Variants in ABHD13 observed in about 807,000 individuals in gnomAD.
ABHD13 encodes abhydrolase domain containing 13, also known as protein ABHD13.
In ABHD13, 7 loss-of-function variants were observed where a neutral mutation model predicts 25.2. The ratio of observed to expected loss-of-function variants is 0.28; its 90% CI spans 0.16 to 0.52. The LOEUF (loss-of-function observed/expected upper bound fraction) is 0.52, where lower values mean the gene tolerates loss of function less well. ABHD13 is among the 20% of genes least tolerant of loss of function. The pLI, the probability that ABHD13 is intolerant of heterozygous loss-of-function variation, is 0.96. For synonymous variants in ABHD13, 133 were observed against 136.1 expected, an observed-to-expected ratio of 0.98 and a Z score of 0.16; for missense variants, 302 against 402.7, an observed-to-expected ratio of 0.75 and a Z score of 2.14.
chr13:108,225,878 C>G (rs903577576), intron 1 of ABHD13, among the ~76,000 whole-genome samples: 3 of 152,140 alleles, frequency 2.0e-5, no homozygotes, highest in African/African-American at 7.2e-5. Context: ...CTCAGCAGCC[C>G]TTCTAGTTGG....
chr13:108,220,271 C>G (rs894956639), intron 1 of ABHD13, among the ~76,000 whole-genome samples: 1 of 152,200 alleles, frequency 6.6e-6, no homozygotes, highest in Non-Finnish European at 1.5e-5. Context: ...TAGCCCTTGG[C>G]ACACTGCCCT....
intron 1 of ABHD13, among the ~76,000 whole-genome samples, chr13:108,221,223 C>A (rs560449559): frequency 1.3e-5 from 2 of 152,352 alleles, no homozygotes; most frequent in African/African-American, 4.8e-5. Flanking sequence ...TATTAATACA[C>A]ACTTTTTCAT....
chr13:108,230,591 T>C lies in ABHD13; in HGVS notation c.*359T>C, dbSNP rs1879782916. 5.7e-6 allele frequency: 1 copy of C among 174,084 alleles called. No individual in the cohort carries two copies. Among genetic ancestry groups the C allele is most frequent in the Non-Finnish European group, 1.4e-5 (1 of 73,232 alleles). 10.8% of individuals were successfully genotyped at this position (174,084 alleles called of 1,614,324 possible). A position where few individuals can be genotyped will look rare whatever the true frequency, so the allele number is the denominator to read the frequency against. The stretch of plus-strand genomic sequence containing the variant: ...TATGTAAACAAGAAACCTTTGGGTA[T>C]TGTTTCTTAAGTAAATATTGGGACA... On this transcript the variant is annotated 3_prime_UTR_variant, in exon 2 of 2. Transcript: ENST00000375898.
Position 108,218,560 on chromosome 13 carries a change from G to A in ABHD13, c.-120G>A, listed in dbSNP as rs1314840763. ...GCCGGCAGCGGCCCCTGGGCTGGAG[G>A]AGGATGATGAGGAGCGACGGAAGCG... On this transcript the variant is annotated 5_prime_UTR_variant, in exon 1 of 2. Coordinates refer to ENST00000375898, the MANE Select transcript of ABHD13 (RefSeq NM_032859.3). 3 of 152,094 alleles carry A rather than the reference G, an allele frequency of 2.0e-5. No individual in the cohort carries two copies. Among genetic ancestry groups the A allele is most frequent in the African/African-American group, 7.2e-5 (3 of 41,424 alleles). The allele number at this position is 152,094 out of a possible 1,614,324, so 9.4% of individuals were successfully genotyped here.
In ABHD13 at chr13:108,232,373, G is replaced by C. The variant is rs888147799; in HGVS notation, c.*2141G>C. ...AAGGAGCCTTTCTTTCTGCAGCTAA[G>C]GGCAGAGGCTGTGCCTAGGGCTATA... is the stretch of plus-strand genomic sequence containing the variant. On this transcript the variant is annotated 3_prime_UTR_variant, in exon 2 of 2. Transcript: ENST00000375898. 1 of 166,892 alleles carries C rather than the reference G, an allele frequency of 6.0e-6. No homozygotes were observed. The highest frequency in any genetic ancestry group is 1.5e-5 in the Non-Finnish European group (1 of 68,022). The allele number at this position is 166,892 out of a possible 1,614,324, so 10.3% of individuals were successfully genotyped here.
In ABHD13 at chr13:108,230,033, C is replaced by T. The variant is rs1434508717; in HGVS notation, c.815C>T (p.Pro272Leu). Residue 272 changes from proline to leucine, a missense_variant, in exon 2 of 2, where the codon CCA becomes CTA. By Grantham distance (98) the Pro-to-Leu change is moderately conservative. Coordinates refer to ENST00000375898, the MANE Select transcript of ABHD13 (RefSeq NM_032859.3). ...TCTGGACTCTCAGATCAATTAATTC[C>T]ACCAGTAATGATGAAACAACTTTAT... ...FISGLSDQLIPPVMMKQLYEL... is the reference protein window; with the variant it reads ...FISGLSDQLILPVMMKQLYEL... 1.2e-6 allele frequency: 2 copies of T among 1,613,004 alleles called. No individual in the cohort carries two copies. Among genetic ancestry groups the T allele is most frequent in the Admixed American group, 3.3e-5 (2 of 59,918 alleles).
At chr13:108,224,578 G>A (rs1321905065) in intron 1 of ABHD13, among the ~76,000 whole-genome samples, 1 of 152,190 alleles carries the variant, frequency 6.6e-6, no homozygotes, top group Non-Finnish European at 1.5e-5. Context: ...CACAGGAGAT[G>A]ATTAGTAGAC....
chr13:108,225,909 A>G (rs1052066204), intron 1 of ABHD13, among the ~76,000 whole-genome samples: 1 of 152,182 alleles, frequency 6.6e-6, no homozygotes, highest in African/African-American at 2.4e-5. Context: ...AGTGTATTAA[A>G]TGCATCCTTT....
At position 108,231,858 on chromosome 13, in the gene ABHD13, C is replaced by A. The variant is rs1477346814; in HGVS notation, c.*1626C>A. 2.6e-5 allele frequency: 4 copies of A among 155,964 alleles called. No homozygotes were observed. In the East Asian group the frequency reaches 6.1e-4, roughly 24 times the overall value. The allele number at this position is 155,964 out of a possible 1,614,324, so 9.7% of individuals were successfully genotyped here. ...AAATAAATTATAGCAAGTATGATTT[C>A]TAAGAATGTTTTTCTATAAATTACT... On this transcript the variant is annotated 3_prime_UTR_variant, in exon 2 of 2. Transcript: ENST00000375898.
chr13:108,219,740 G>C (rs1159226311), intron 1 of ABHD13, among the ~76,000 whole-genome samples: 1 of 152,174 alleles, frequency 6.6e-6, no homozygotes, highest in African/African-American at 2.4e-5. Flanking sequence ...GGTTAATTAC[G>C]CTGTAATAGT....
At chr13:108,224,706 C>T (rs1180078997) in intron 1 of ABHD13, among the ~76,000 whole-genome samples, 2 of 152,040 alleles carry the variant, frequency 1.3e-5, no homozygotes, top group African/African-American at 4.8e-5. Context: ...TTTTTAGTCT[C>T]AAATTGTTTA....
intron 1 of ABHD13, among the ~76,000 whole-genome samples, chr13:108,226,126 A>G (rs1275252180): frequency 6.6e-6 from 1 of 152,208 alleles, no homozygotes; most frequent in Non-Finnish European, 1.5e-5. Flanking sequence ...CCAGTATACC[A>G]TAGTGGACCG....
intron 1 of ABHD13, among the ~76,000 whole-genome samples, chr13:108,221,571 T>G (rs1290545449): frequency 1.3e-5 from 2 of 152,198 alleles, no homozygotes; most frequent in Non-Finnish European, 2.9e-5. Flanking sequence ...CCTGCACATT[T>G]TTTTTAAATG....
At chr13:108,228,997 A>G (rs1879731918) in intron 1 of ABHD13, among the ~76,000 whole-genome samples, 1 of 152,054 alleles carries the variant, frequency 6.6e-6, no homozygotes, top group African/African-American at 2.4e-5. Flanking sequence ...CCTAAATATG[A>G]CAGTGGAGGG....
chr13:108,226,301 G>T (rs1879670208), intron 1 of ABHD13, among the ~76,000 whole-genome samples: 1 of 152,180 alleles, frequency 6.6e-6, no homozygotes, highest in Admixed American at 6.5e-5. Context: ...GTCTTTTTGT[G>T]ACAGCATGTG....
chr13:108,228,537 T>TA (rs1879720471), intron 1 of ABHD13, among the ~76,000 whole-genome samples: 2 of 151,948 alleles, frequency 1.3e-5, no homozygotes, highest in Admixed American at 1.3e-4. Flanking sequence ...TATTTAAGTT[T>TA]AGTATTAAAA....
chr13:108,225,725 G>T (rs2139011512), intron 1 of ABHD13, among the ~76,000 whole-genome samples: 1 of 152,064 alleles, frequency 6.6e-6, no homozygotes, highest in African/African-American at 2.4e-5. Flanking sequence ...TTGAGAAATG[G>T]GACTGTCAGG....
At chr13:108,227,104 A>G (rs1879690473) in intron 1 of ABHD13, among the ~76,000 whole-genome samples, 1 of 152,148 alleles carries the variant, frequency 6.6e-6, no homozygotes, top group Admixed American at 6.6e-5. Context: ...TTGTGAGATT[A>G]TGATTGTTTA....
At chr13:108,225,060 TC>T (rs1394436010) in intron 1 of ABHD13, among the ~76,000 whole-genome samples, 1 of 152,200 alleles carries the variant, frequency 6.6e-6, no homozygotes, top group African/African-American at 2.4e-5. Context: ...GATTTTTTTT[TC>T]ATTCAAATAC....
Sources: gnomAD v4.1 joint callset for allele counts (sites outside exome capture counted in the v4.1 genomes callset) on GRCh38, gnomAD v4.1.1 for gene constraint, MANE v1.5 for transcripts, NCBI Gene and HGNC (gene_info 2026-07-23, HGNC 2026-07-21) for gene names.